The following ZSCAN22 variants were observed in gnomAD, a reference collection of about 807,000 sequenced individuals.
ZSCAN22 encodes zinc finger and SCAN domain-containing protein 22.
ZSCAN22 carries 7 observed loss-of-function variants against 12.4 expected under a neutral mutation model. The observed-to-expected ratio is 0.57, with a 90% CI of 0.32 to 1.06. ZSCAN22 has a LOEUF of 1.06. Among genes scored for constraint, ZSCAN22 ranks in the 50% least tolerant of loss-of-function variants. The probability of loss-of-function intolerance (pLI) is 0.04; values close to 1 mark genes in which losing one functional copy is unlikely to be tolerated. For synonymous variants in ZSCAN22, 243 were observed against 255.9 expected, an observed-to-expected ratio of 0.95 and a Z score of 0.48; for missense variants, 576 against 631.7, an observed-to-expected ratio of 0.91 and a Z score of 0.94.
At chr19:58,328,712 A>G (rs193198608) in intron 1 of ZSCAN22, among the ~76,000 whole-genome samples, 124 of 152,234 alleles carry the variant, frequency 8.1e-4, no homozygotes, top group Non-Finnish European at 1.4e-3. Context: ...GTCATGAGGG[A>G]TTTCTCCAGA....
rs746538364 is a variant in ZSCAN22, at chr19:58,335,215, C to T, written c.403+10C>T. Reference sequence around the variant, plus strand: ...GTGCTGGACAAGAGAGGTAAAGGGGCGCCGTGGGCAGCTTCACGGCACACC... The same window carrying T: ...GTGCTGGACAAGAGAGGTAAAGGGGTGCCGTGGGCAGCTTCACGGCACACC... On this transcript the variant is annotated intron_variant, in intron 2 of 2. Coordinates refer to ENST00000329665, the MANE Select transcript of ZSCAN22 (RefSeq NM_181846.3). This position sits in a 1 kb window ranked among gnomAD's most constrained non-coding sequence, Gnocchi z 4.1. 4 of 1,562,708 alleles carry T rather than the reference C, an allele frequency of 2.6e-6. No homozygotes were observed. In the East Asian group the frequency reaches 9.2e-5, roughly 36 times the overall value.
chr19:58,339,155 A>G lies in ZSCAN22; in HGVS notation c.1305A>G (p.Pro435=), dbSNP rs748262435. The change falls in exon 3 of 3, where the codon CCA becomes CCG. Residue 435 remains proline, a synonymous_variant. Transcript: ENST00000329665. The surrounding 1 kb of genome is among the most constrained non-coding windows in gnomAD (Gnocchi z 5.6). Reference sequence around the variant, plus strand: ...TGAGAATCCACTCTGGAGAGAAGCCATATCAGTGTAAGGTTTGTCCGAAGG... The same window carrying G: ...TGAGAATCCACTCTGGAGAGAAGCCGTATCAGTGTAAGGTTTGTCCGAAGG... ...RHLRIHSGEK[P]YQCKVCPKAF... is the part of the protein sequence containing the mutation. 6 of 1,614,188 alleles carry G rather than the reference A, an allele frequency of 3.7e-6. No homozygotes were observed. Among genetic ancestry groups the G allele is most frequent in the East Asian group, 2.2e-5 (1 of 44,874 alleles).
At position 58,331,517 on chromosome 19, in the gene ZSCAN22, C is replaced by CATT. The variant is rs2051724561; in HGVS notation, c.-51-3235_-51-3234insATT. On this transcript the variant is annotated intron_variant, in intron 1 of 2. Coordinates refer to ENST00000329665, the MANE Select transcript of ZSCAN22 (RefSeq NM_181846.3). ...GGTGTGAGCCACCGCGTCCAGCTGA[C>CATT]GTTATTATTATTATTATTATTATTA... Among the ~76,000 whole-genome samples the CATT allele has an allele frequency of 3.0e-5, 3 of 100,604 alleles. No homozygotes were observed. In the South Asian group the frequency reaches 1.1e-3, roughly 36 times the overall value. The allele number at this position is 100,604 out of a possible 152,430, so 66.0% of individuals were successfully genotyped here. A position where few individuals can be genotyped will look rare whatever the true frequency, so the allele number is the denominator to read the frequency against.
chr19:58,334,403 G>T (rs1169770405), intron 1 of ZSCAN22, among the ~76,000 whole-genome samples: 3 of 152,114 alleles, frequency 2.0e-5, no homozygotes, highest in African/African-American at 4.8e-5. Flanking sequence ...TGCAAGCTCC[G>T]CCTCCCGGGT....
At position 58,339,418 on chromosome 19, in the gene ZSCAN22, G is replaced by A. The variant is rs2051845224; in HGVS notation, c.*92G>A. ...GAGTTCCTGAAGAGCCACAGACAGG[G>A]TGGGTGATTGATGAGTTGTCAAAAT... On this transcript the variant is annotated 3_prime_UTR_variant, in exon 3 of 3. Coordinates refer to ENST00000329665, the MANE Select transcript of ZSCAN22 (RefSeq NM_181846.3). The surrounding 1 kb of genome is among the most constrained non-coding windows in gnomAD (Gnocchi z 5.6). 8.2e-7 allele frequency: 1 copy of A among 1,212,974 alleles called. No individual in the cohort carries two copies. Among genetic ancestry groups the A allele is most frequent in the African/African-American group, 1.5e-5 (1 of 65,622 alleles). The allele number at this position is 1,212,974 out of a possible 1,614,324, so 75.1% of individuals were successfully genotyped here.
At position 58,329,952 on chromosome 19, in the gene ZSCAN22, C is replaced by G. The variant is rs1369673376; in HGVS notation, c.-52+2838C>G. On this transcript the variant is annotated intron_variant, in intron 1 of 2. Coordinates refer to ENST00000329665, the MANE Select transcript of ZSCAN22 (RefSeq NM_181846.3). This position sits in a 1 kb window ranked among gnomAD's most constrained non-coding sequence, Gnocchi z 4.1. ...CTGGTGGGAATGCAAAATGGTATAG[C>G]CAATTTGCAAAACAGCCTGGCAGTT... Among the ~76,000 whole-genome samples the G allele has an allele frequency of 6.6e-6, 1 of 152,140 alleles. No homozygotes were observed. Among genetic ancestry groups the G allele is most frequent in the East Asian group, 1.9e-4 (1 of 5,190 alleles).
intron 1 of ZSCAN22, among the ~76,000 whole-genome samples, chr19:58,328,718 C>G (rs2051686105): frequency 6.6e-6 from 1 of 152,148 alleles, no homozygotes; most frequent in South Asian, 2.1e-4. Context: ...AGGGATTTCT[C>G]CAGAACAGGT....
rs554590877 is a variant in ZSCAN22 at position 58,338,707 on chromosome 19, A to G, written c.857A>G (p.His286Arg). ...MFQSASALEA[H>R]QKTHSRKTPY... is the part of the protein sequence containing the mutation. ...CAGAGTGCTTCGGCGCTCGAGGCAC[A>G]CCAGAAGACCCATTCTCGGAAGACC... The change falls in exon 3 of 3, where the codon CAC (histidine) becomes CGC (arginine). Residue 286 changes from histidine to arginine, a missense_variant. By Grantham distance (29) the His-to-Arg change is conservative (BLOSUM62 0). Transcript: ENST00000329665. This position sits in a 1 kb window ranked among gnomAD's most constrained non-coding sequence, Gnocchi z 5.4. 43 of 1,614,220 alleles carry G rather than the reference A, an allele frequency of 2.7e-5. No homozygotes were observed. In the Admixed American group the frequency reaches 2.7e-4, roughly 10 times the overall value.
Position 58,335,276 on chromosome 19 carries a change from G to C in ZSCAN22, c.403+71G>C. On this transcript the variant is annotated intron_variant, in intron 2 of 2. Transcript: ENST00000329665. The surrounding 1 kb of genome is among the most constrained non-coding windows in gnomAD (Gnocchi z 4.1). ...CCTGGACAGGAACATGGGAGCACAG[G>C]GCTCTGGTTTGGGGTTGCTCATGCA... The C allele has an allele frequency of 6.9e-7, 1 of 1,456,532 alleles. No homozygotes were observed. Among genetic ancestry groups the C allele is most frequent in the Non-Finnish European group, 9.1e-7 (1 of 1,102,764 alleles). The allele number at this position is 1,456,532 out of a possible 1,614,324, so 90.2% of individuals were successfully genotyped here.
intron 1 of ZSCAN22, 41 bp from the exon 2 acceptor site, chr19:58,334,711 C>A: frequency 7.1e-7 from 1 of 1,404,826 alleles, no homozygotes; most frequent in Non-Finnish European, 9.4e-7. Flanking sequence ...TGAGGCAGGG[C>A]CCAGGTTCCA....
In ZSCAN22 at chr19:58,327,076, C is replaced by T. The variant is rs1356467654; in HGVS notation, c.-90C>T. The T allele has an allele frequency of 6.5e-6, 1 of 153,014 alleles. No individual in the cohort carries two copies. The highest frequency in any genetic ancestry group is 1.5e-5 in the Non-Finnish European group (1 of 68,552). The allele number at this position is 153,014 out of a possible 1,614,324, so 9.5% of individuals were successfully genotyped here. A position where few individuals can be genotyped will look rare whatever the true frequency, so the allele number is the denominator to read the frequency against. On this transcript the variant is annotated 5_prime_UTR_variant, in exon 1 of 3. Transcript: ENST00000329665. ...GGGCGCGCAAGTTGGCTAGTCTCTG[C>T]GGCCACCTCCGGAAGGGTCCGCCGG...
rs981174670 is a variant in ZSCAN22, at chr19:58,339,426, T to C, written c.*100T>C. 9.7e-6 allele frequency: 11 copies of C among 1,135,532 alleles called. No individual in the cohort carries two copies. Among genetic ancestry groups the C allele is most frequent in the South Asian group, 8.0e-5 (5 of 62,184 alleles). The allele number at this position is 1,135,532 out of a possible 1,614,324, so 70.3% of individuals were successfully genotyped here. ...GAAGAGCCACAGACAGGGTGGGTGA[T>C]TGATGAGTTGTCAAAATGATAGGTG... On this transcript the variant is annotated 3_prime_UTR_variant, in exon 3 of 3. Coordinates refer to ENST00000329665, the MANE Select transcript of ZSCAN22 (RefSeq NM_181846.3). The surrounding 1 kb of genome is among the most constrained non-coding windows in gnomAD (Gnocchi z 5.6).
intron 1 of ZSCAN22, among the ~76,000 whole-genome samples, chr19:58,330,085 G>A (rs1389496081): frequency 2.0e-5 from 3 of 152,134 alleles, no homozygotes; most frequent in African/African-American, 7.2e-5. Flanking sequence ...TCAGGAGATC[G>A]AGACCATCGT....
chr19:58,336,903 G>T (rs2051804063), intron 2 of ZSCAN22, among the ~76,000 whole-genome samples: 1 of 152,182 alleles, frequency 6.6e-6, no homozygotes, highest in Non-Finnish European at 1.5e-5. Context: ...GTAGACCTGG[G>T]GTTTGAGTCC....
Position 58,329,633 on chromosome 19 carries a change from A to C in ZSCAN22, c.-52+2519A>C, listed in dbSNP as rs2051699157. On this transcript the variant is annotated intron_variant, in intron 1 of 2. Transcript: ENST00000329665. The surrounding 1 kb of genome is among the most constrained non-coding windows in gnomAD (Gnocchi z 4.1). ...AGTTTTGGTGAATATAGTACAATAA[A>C]ATATTTTGAGAGAGAGAGAAAGACC... Among the ~76,000 whole-genome samples the C allele has an allele frequency of 6.6e-6, 1 of 152,180 alleles. No individual in the cohort carries two copies. Among genetic ancestry groups the C allele is most frequent in the Non-Finnish European group, 1.5e-5 (1 of 68,032 alleles).
rs376715584 is a variant in ZSCAN22, at chr19:58,334,997, G to A, written c.195G>A (p.Glu65=). The change falls in exon 2 of 3, where the codon GAG becomes GAA. Residue 65 remains glutamate (E), a synonymous_variant. Transcript: ENST00000329665. ...FRYEEASGPH[E]ALAHLRALCC... is the part of the protein sequence containing the mutation. ...ATGAGGAGGCATCTGGTCCACACGA[G>A]GCCCTGGCCCACCTCCGAGCGCTGT... 1.2e-5 allele frequency: 19 copies of A among 1,614,138 alleles called. No homozygotes were observed. The highest frequency in any genetic ancestry group is 1.7e-5 in the Admixed American group (1 of 60,034).
rs1224063439 is a variant in ZSCAN22, at chr19:58,339,536, A to G, written c.*210A>G. The G allele has an allele frequency of 3.6e-6, 2 of 554,170 alleles. No individual in the cohort carries two copies. Among genetic ancestry groups the G allele is most frequent in the African/African-American group, 1.9e-5 (1 of 53,246 alleles). The allele number at this position is 554,170 out of a possible 1,614,324, so 34.3% of individuals were successfully genotyped here. ...ACAAGGTGATTCAGGCCAGCTGGAG[A>G]AGCTTCCAGAAGGGCCCTGCACTGC... is the stretch of plus-strand genomic sequence containing the variant. On this transcript the variant is annotated 3_prime_UTR_variant, in exon 3 of 3. Coordinates refer to ENST00000329665, the MANE Select transcript of ZSCAN22 (RefSeq NM_181846.3). This position sits in a 1 kb window ranked among gnomAD's most constrained non-coding sequence, Gnocchi z 5.6.
chr19:58,336,975 C>T (rs2051805029), intron 2 of ZSCAN22, among the ~76,000 whole-genome samples: 2 of 152,222 alleles, frequency 1.3e-5, no homozygotes, highest in African/African-American at 4.8e-5. Context: ...CTGTCTCTGC[C>T]TCCTCCCTGG....
chr19:58,327,328 G>T (rs2051664360), intron 1 of ZSCAN22, among the ~76,000 whole-genome samples: 1 of 152,198 alleles, frequency 6.6e-6, no homozygotes, highest in African/African-American at 2.4e-5. Context: ...GGCGTGGACG[G>T]ACCGTGTGTG....
Sources: gnomAD v4.1 joint callset for allele counts (sites outside exome capture counted in the v4.1 genomes callset) on GRCh38, gnomAD v4.1.1 for gene constraint, Gnocchi (gnomAD v3.1) non-coding constraint, MANE v1.5 for transcripts, NCBI Gene and HGNC (gene_info 2026-07-23, HGNC 2026-07-21) for gene names.